PHACTR3: variants seen among roughly 807,000 people sequenced by gnomAD.
The protein encoded by PHACTR3 is protein phosphatase 1, regulatory subunit 123.
Under a neutral mutation model 66.8 loss-of-function variants are expected in PHACTR3, and 16 were observed. The ratio of observed to expected loss-of-function variants is 0.24; its 90% CI spans 0.16 to 0.36. PHACTR3 has a LOEUF of 0.36. PHACTR3 is among the 10% of genes least tolerant of loss of function. The pLI, the probability that PHACTR3 is intolerant of heterozygous loss-of-function variation, is 1.00. For synonymous variants in PHACTR3, 323 were observed against 292.1 expected (o/e 1.11, Z -1.08); for missense variants, 647 against 719.9 (o/e 0.90, Z 1.16).
chr20:59,817,941 G>A (rs2041931324), intron 8 of PHACTR3, among the ~76,000 whole-genome samples: 2 of 152,190 alleles, frequency 1.3e-5, no homozygotes, highest in Non-Finnish European at 2.9e-5. Flanking sequence ...TTACACTGAG[G>A]TTAAGGGGAT....
chr20:59,753,480 CG>C (rs2039674158), intron 3 of PHACTR3, among the ~76,000 whole-genome samples: 1 of 152,162 alleles, frequency 6.6e-6, no homozygotes, highest in African/African-American at 2.4e-5. Flanking sequence ...GAGGGAGAAA[CG>C]GTTCTGTCCT....
intron 1 of PHACTR3, among the ~76,000 whole-genome samples, chr20:59,711,360 T>G (rs2037909154): frequency 6.6e-6 from 1 of 152,200 alleles, no homozygotes; most frequent in South Asian, 2.1e-4. Context: ...GCCAAACGTT[T>G]TCTCAGAAAG....
rs1555879288 is a variant in PHACTR3, at chr20:59,622,990, A to AAAAAAACAAACAAAC, written c.118+17864_118+17865insCAAACAAACAAAAAA. Among the ~76,000 whole-genome samples the AAAAAAACAAACAAAC allele has an allele frequency of 7.9e-3, 1,125 of 142,014 alleles. 90 individuals are homozygous for AAAAAAACAAACAAAC. The highest frequency in any genetic ancestry group is 0.027 in the African/African-American group (1,054 of 38,404). 93.2% of individuals were successfully genotyped at this position (142,014 alleles called of 152,430 possible). A position where few individuals can be genotyped will look rare whatever the true frequency, so the allele number is the denominator to read the frequency against. On this transcript the variant is annotated intron_variant, in intron 1 of 12. Transcript: ENST00000371015. ...TTACAGCAGCTTTAACCAAAAAAAA[A>AAAAAAACAAACAAAC]AAAAAAAAAAACCCAAATCTTCAGC...
intron 7 of PHACTR3, among the ~76,000 whole-genome samples, chr20:59,778,169 C>G (rs1436363634): frequency 2.0e-5 from 3 of 152,202 alleles, no homozygotes; most frequent in Non-Finnish European, 4.4e-5. Flanking sequence ...CAGGCGGTCT[C>G]TCTGTGCCAC....
At chr20:59,646,417 C>T in intron 1 of PHACTR3, among the ~76,000 whole-genome samples, 1 of 151,930 alleles carries the variant, frequency 6.6e-6, no homozygotes, top group East Asian at 1.9e-4. Flanking sequence ...TTTCTTTCTT[C>T]ACTGAGTTGT....
At chr20:59,751,318 A>ACG (rs2039572776) in intron 3 of PHACTR3, among the ~76,000 whole-genome samples, 1 of 152,156 alleles carries the variant, frequency 6.6e-6, no homozygotes, top group African/African-American at 2.4e-5. Context: ...TGCAAGGTGG[A>ACG]CGGGACTTCA....
intron 8 of PHACTR3, among the ~76,000 whole-genome samples, chr20:59,826,777 CAT>C (rs985111891): frequency 9.2e-5 from 14 of 152,196 alleles, no homozygotes; most frequent in Non-Finnish European, 1.6e-4. Context: ...TCTTTGCACA[CAT>C]GTTCTTGGCC....
intron 1 of PHACTR3, among the ~76,000 whole-genome samples, chr20:59,598,761 G>A (rs1009067940): frequency 3.9e-5 from 6 of 152,098 alleles, no homozygotes; most frequent in Non-Finnish European, 7.4e-5. Flanking sequence ...AGGCTACGTC[G>A]TCAAGCCAGG....
chr20:59,655,968 T>C (rs2035608556), intron 1 of PHACTR3, among the ~76,000 whole-genome samples: 1 of 151,912 alleles, frequency 6.6e-6, no homozygotes, highest in African/African-American at 2.4e-5. Context: ...TTTCTTTCTG[T>C]TATTGCTTTC....
chr20:59,697,674 T>C (rs540034894), intron 1 of PHACTR3, among the ~76,000 whole-genome samples: 38 of 152,162 alleles, frequency 2.5e-4, no homozygotes, highest in Admixed American at 9.8e-4. Flanking sequence ...GGAGCAGAGA[T>C]TAGAAGGAGA....
At chr20:59,581,351 C>G (rs1005292907) in intron 1 of PHACTR3, among the ~76,000 whole-genome samples, 2 of 152,210 alleles carry the variant, frequency 1.3e-5, no homozygotes, top group Non-Finnish European at 2.9e-5. Context: ...TCCTTTCCCC[C>G]CAGGGTGCTC....
chr20:59,647,882 A>C (rs1475697523), intron 1 of PHACTR3, among the ~76,000 whole-genome samples: 3 of 152,138 alleles, frequency 2.0e-5, no homozygotes, highest in East Asian at 1.9e-4. Context: ...GGGATTTTGC[A>C]CTGTTTTATT....
chr20:59,674,607 TG>T lies in PHACTR3; in HGVS notation c.119-68499del, dbSNP rs1345153963. Reference sequence around the variant, plus strand: ...CCCCTTCTCCTGTCCCCGCTTCTCCTGTTCCCCCCTTCTCCTGTCCCCGCTT... The same window carrying T: ...CCCCTTCTCCTGTCCCCGCTTCTCCTTTCCCCCCTTCTCCTGTCCCCGCTT... On this transcript the variant is annotated intron_variant, in intron 1 of 12. Transcript: ENST00000371015. Among the ~76,000 whole-genome samples the T allele has an allele frequency of 2.7e-4, 18 of 65,674 alleles. 1 individual carries two copies. The South Asian group carries it at 3.4e-3, about 12-fold the overall frequency. The allele number at this position is 65,674 out of a possible 152,430, so 43.1% of individuals were successfully genotyped here. A position where few individuals can be genotyped will look rare whatever the true frequency, so the allele number is the denominator to read the frequency against.
chr20:59,807,095 G>A (rs950022706), intron 8 of PHACTR3, among the ~76,000 whole-genome samples: 1 of 152,172 alleles, frequency 6.6e-6, no homozygotes, highest in African/African-American at 2.4e-5. Context: ...CAGAATCACT[G>A]CACACTTAGG....
intron 1 of PHACTR3, among the ~76,000 whole-genome samples, chr20:59,659,187 A>G (rs1030214916): frequency 6.6e-6 from 1 of 151,944 alleles, no homozygotes; most frequent in African/African-American, 2.4e-5. Flanking sequence ...CTATTTATGA[A>G]TCTTCTTCTA....
chr20:59,773,609 C>T (rs776063587), intron 6 of PHACTR3, among the ~76,000 whole-genome samples, 156 bp downstream of exon 6: 1 of 152,266 alleles, frequency 6.6e-6, no homozygotes, highest in Non-Finnish European at 1.5e-5. Context: ...TTTTGCACCT[C>T]GCTCTGCAGA....
intron 1 of PHACTR3, among the ~76,000 whole-genome samples, chr20:59,699,816 G>T (rs928266787): frequency 1.3e-5 from 2 of 152,118 alleles, no homozygotes; most frequent in Admixed American, 6.5e-5. Flanking sequence ...ACAAAAATTA[G>T]CTGGCCATGG....
At chr20:59,609,941 TA>T (rs1252999900) in intron 1 of PHACTR3, among the ~76,000 whole-genome samples, 3 of 152,242 alleles carry the variant, frequency 2.0e-5, no homozygotes, top group African/African-American at 7.2e-5. Flanking sequence ...CTGTTCATTA[TA>T]GAAAATGGAT....
At chr20:59,686,770 GTGATGATGA>G (rs1234515581) in intron 1 of PHACTR3, among the ~76,000 whole-genome samples, 1 of 141,144 alleles carries the variant, frequency 7.1e-6, no homozygotes, top group African/African-American at 2.6e-5. Context: ...GATGATGATG[GTGATGATGA>G]TGGTGATGAT....
Sources: gnomAD v4.1 joint callset for allele counts (sites outside exome capture counted in the v4.1 genomes callset) on GRCh38, gnomAD v4.1.1 for gene constraint, MANE v1.5 for transcripts, NCBI Gene and HGNC (gene_info 2026-07-23, HGNC 2026-07-21) for gene names.